The following MYO19 variants were observed in gnomAD, a reference collection of about 807,000 sequenced individuals.
MYO19 encodes myosin XIX.
Under a neutral mutation model 129.2 loss-of-function variants are expected in MYO19, and 132 were observed. The ratio of observed to expected loss-of-function variants is 1.02; its 90% CI spans 0.89 to 1.18. MYO19 has a LOEUF of 1.18. MYO19 is among the 50% of genes most tolerant of loss of function. The pLI is 0.00. For synonymous variants in MYO19, 531 were observed against 477.2 expected (o/e 1.11, Z -1.47); for missense variants, 1,210 against 1,216.7 (o/e 0.99, Z 0.08).
intron 11 of MYO19, chr17:36,512,789 G>C: frequency 2.3e-6 from 3 of 1,286,202 alleles, no homozygotes; most frequent in Non-Finnish European, 2.0e-6. Context: ...TCTAGAGGGT[G>C]AGGAAGATGA....
intron 3 of MYO19, among the ~76,000 whole-genome samples, chr17:36,529,691 C>T (rs1388176394): frequency 1.3e-5 from 2 of 152,068 alleles, no homozygotes; most frequent in African/African-American, 4.8e-5. Flanking sequence ...ATGCATATCC[C>T]TCTCCTTTTA....
upstream of MYO19, chr17:36,537,477 A>T (rs72818370): frequency 1.2e-6 from 2 of 1,613,876 alleles, no homozygotes; most frequent in Admixed American, 1.7e-5. Context: ...ATCAGAATAC[A>T]ATCCAGCCAT....
Position 36,495,671 on chromosome 17 carries a change from A to G in MYO19, c.*580T>C, listed in dbSNP as rs1193497896. On this transcript the variant is annotated 3_prime_UTR_variant, in exon 26 of 26. Coordinates refer to ENST00000614623, the MANE Select transcript of MYO19 (RefSeq NM_001163735.2). ...ATGTTTTACTTTTGGTACAGTTGAT[A>G]GACATCATAAACGATATCAAGCTTA... The G allele has an allele frequency of 6.2e-6, 8 of 1,280,040 alleles. No individual in the cohort carries two copies. The highest frequency in any genetic ancestry group is 7.9e-6 in the Non-Finnish European group (8 of 1,016,542). The allele number at this position is 1,280,040 out of a possible 1,614,324, so 79.3% of individuals were successfully genotyped here.
At chr17:36,513,285 T>C in intron 11 of MYO19, 144 bp downstream of exon 11, 1 of 1,522,514 alleles carries the variant, frequency 6.6e-7, no homozygotes, top group East Asian at 2.3e-5. Flanking sequence ...AGAACAGAGG[T>C]GACTGATTCC....
At chr17:36,520,237 A>C (rs1956930415) in intron 6 of MYO19, among the ~76,000 whole-genome samples, 1 of 152,086 alleles carries the variant, frequency 6.6e-6, no homozygotes, top group Non-Finnish European at 1.5e-5. Context: ...CAGCCTCCCA[A>C]AGTGCTGGGA....
chr17:36,512,631 G>C, intron 11 of MYO19: 1 of 1,288,224 alleles, frequency 7.8e-7, no homozygotes, highest in Non-Finnish European at 1.0e-6. Context: ...CTTGTCCCCA[G>C]GTACTGTCCT....
chr17:36,542,945 A>T (rs2074204600), intron 1 of MYO19, among the ~76,000 whole-genome samples: 1 of 151,632 alleles, frequency 6.6e-6, no homozygotes, highest in Admixed American at 6.6e-5. Flanking sequence ...CGAACTCCTG[A>T]CCTCAAGTGA....
intron 13 of MYO19, chr17:36,509,369 T>G: frequency 1.7e-6 from 1 of 581,414 alleles, no homozygotes; most frequent in South Asian, 2.0e-5. Context: ...CATGTCCTTA[T>G]GGGAAGACTG....
chr17:36,505,842 G>A (rs1189145477), intron 18 of MYO19, among the ~76,000 whole-genome samples: 1 of 152,214 alleles, frequency 6.6e-6, no homozygotes, highest in Non-Finnish European at 1.5e-5. Context: ...CACTCCAATG[G>A]GCCACACATG....
chr17:36,538,402 T>C, upstream of MYO19: 1 of 1,614,150 alleles, frequency 6.2e-7, no homozygotes. Context: ...GCCGAAAGAA[T>C]GGAACCCAGT....
At chr17:36,504,096 T>C (rs1317531526) in intron 19 of MYO19, 76 bp from the exon 20 acceptor site, 2 of 1,252,970 alleles carry the variant, frequency 1.6e-6, no homozygotes, top group African/African-American at 3.0e-5. Flanking sequence ...TCTCAGCCCT[T>C]CTTCTTAGAC....
At chr17:36,515,287 C>T (rs2072666190) in intron 7 of MYO19, 105 bp from the exon 8 acceptor site, 1 of 930,908 alleles carries the variant, frequency 1.1e-6, no homozygotes, top group East Asian at 2.8e-5. Context: ...GCTCAAGTCA[C>T]CTAAAGGCCC....
In MYO19 at chr17:36,527,686, C is replaced by T; in HGVS notation, c.165G>A (p.Leu55=). ...ATGTGTCTGCCATGTACCGGGCCTG[C>T]AGGCACCTCAGGACTGAGGCAGAGA... ...PVTLETVLRC[L]QARYMADTFY... is the part of the protein sequence containing the mutation. The change falls in exon 5 of 26, where the codon CTG becomes CTA. Residue 55 remains leucine (L), a synonymous_variant. Transcript: ENST00000614623. 1 of 1,612,850 alleles carries T rather than the reference C, an allele frequency of 6.2e-7. No homozygotes were observed. Among genetic ancestry groups the T allele is most frequent in the Non-Finnish European group, 8.5e-7 (1 of 1,179,372 alleles).
At chr17:36,537,419 A>T (rs1248845388), upstream of MYO19, 2 of 1,614,096 alleles carry the variant, frequency 1.2e-6, no homozygotes, top group Non-Finnish European at 1.7e-6. Flanking sequence ...GCTATGCCAG[A>T]CTGCCTTTCC....
At chr17:36,522,448 T>C (rs1173847523) in intron 6 of MYO19, among the ~76,000 whole-genome samples, 1 of 148,884 alleles carries the variant, frequency 6.7e-6, no homozygotes, top group Non-Finnish European at 1.5e-5. Context: ...AGGCGGAGGT[T>C]GCAGTGAGCC....
intron 6 of MYO19, among the ~76,000 whole-genome samples, chr17:36,518,889 T>C (rs2072973350): frequency 6.6e-6 from 1 of 152,154 alleles, no homozygotes; most frequent in South Asian, 2.1e-4. Context: ...AATTTCCCAA[T>C]GTTTTAGGAT....
chr17:36,535,566 C>T (rs918968662), upstream of MYO19: 2 of 152,394 alleles, frequency 1.3e-5, no homozygotes, highest in African/African-American at 4.8e-5. Flanking sequence ...CGTAGACCGT[C>T]TGCTGGGGGC....
rs201895837 is a variant in MYO19, at chr17:36,527,592, G to T, written c.259C>A (p.Pro87Thr). 2.6e-4 allele frequency: 419 copies of T among 1,613,974 alleles called. No homozygotes were observed. The African/African-American group carries it at 3.2e-3, about 12-fold the overall frequency. Residue 87 changes from proline to threonine, a missense_variant, in exon 5 of 26, where the codon CCC becomes ACC. Coordinates refer to ENST00000614623, the MANE Select transcript of MYO19 (RefSeq NM_001163735.2). ...PFKPVPQLYS[P>T]ELMREYHAAP... ...GCATGGTACTCTCTCATTAGCTCGGGCGAGTAGAGCTGAGGAACAGGCTTG... is the reference window on the plus strand; with the variant it reads ...GCATGGTACTCTCTCATTAGCTCGGTCGAGTAGAGCTGAGGAACAGGCTTG...
At chr17:36,537,196 G>T, upstream of MYO19, 1 of 1,614,156 alleles carries the variant, frequency 6.2e-7, no homozygotes, top group Non-Finnish European at 8.5e-7. Context: ...CCTGCATTCT[G>T]TATCCTGTGC....
Sources: allele counts gnomAD v4.1 joint callset (sites outside exome capture counted in the v4.1 genomes callset), GRCh38; gene constraint gnomAD v4.1.1; transcripts MANE v1.5; gene names NCBI Gene and HGNC (gene_info 2026-07-23, HGNC 2026-07-21).